The following DZIP3 variants were observed in gnomAD, a reference collection of about 807,000 sequenced individuals.
DZIP3 encodes the protein DAZ interacting zinc finger protein 3.
In DZIP3, 118 loss-of-function variants were observed where a neutral mutation model predicts 162.0. The observed-to-expected ratio is 0.73, with a 90% CI of 0.63 to 0.85. DZIP3 has a LOEUF of 0.85. Ranked by LOEUF, DZIP3 falls within the 40% of genes least tolerant of loss-of-function variation. The pLI is 0.00. For synonymous variants in DZIP3, 438 were observed against 458.6 expected, an observed-to-expected ratio of 0.96 and a Z score of 0.57; for missense variants, 1,331 against 1,407.0, an observed-to-expected ratio of 0.95 and a Z score of 0.86.
intron 24 of DZIP3, among the ~76,000 whole-genome samples, chr3:108,674,783 G>A (rs926284591): frequency 1.4e-4 from 21 of 151,908 alleles, no homozygotes; most frequent in African/African-American, 5.1e-4. Context: ...ATAATCTCAT[G>A]GGGTACACCA....
intron 4 of DZIP3, 52 bp from the exon 5 acceptor site, chr3:108,616,489 G>T: frequency 8.6e-7 from 1 of 1,162,776 alleles, no homozygotes; most frequent in Non-Finnish European, 1.3e-6. Flanking sequence ...GTAAACATAT[G>T]TAGATGTTTG....
In DZIP3 at chr3:108,686,478, G is replaced by C; in HGVS notation, c.3043G>C (p.Val1015Leu). Residue 1015 changes from valine to leucine, a missense_variant, in exon 28 of 33, where the codon GTG becomes CTG. By Grantham distance (32) the Val-to-Leu change is conservative. Around this residue, in one of 2 missense-constraint regions of DZIP3, gnomAD observed 1,278 missense variants for 1,317.1 expected, o/e 0.97. Coordinates refer to ENST00000361582, the MANE Select transcript of DZIP3 (RefSeq NM_014648.4). The part of the protein sequence containing the change: ...TGIAWALPAP[V>L]GDAVPPSAGL... ...CATAGCCTGGGCTCTGCCAGCGCCT[G>C]TGGGAGACGCTGTGCCTCCCAGTGC... 6.2e-7 allele frequency: 1 copy of C among 1,610,856 alleles called. No homozygotes were observed. The highest frequency in any genetic ancestry group is 8.5e-7 in the Non-Finnish European group (1 of 1,178,998).
rs147732119 is a variant in DZIP3, at chr3:108,603,097, T to A, written c.-72-2238T>A. On this transcript the variant is annotated intron_variant, in intron 1 of 32. Coordinates refer to ENST00000361582, the MANE Select transcript of DZIP3 (RefSeq NM_014648.4). ...AGAGGATTTTCCTCCCTTCTTTTCA[T>A]CCTTGCTGTGATCTATGCAAACAGC... The A allele has an allele frequency of 1.8e-4, 27 of 152,324 alleles. No homozygotes were observed. The East Asian group carries it at 3.7e-3, about 21-fold the overall frequency. 9.4% of individuals were successfully genotyped at this position (152,324 alleles called of 1,614,324 possible). A position where few individuals can be genotyped will look rare whatever the true frequency, so the allele number is the denominator to read the frequency against.
chr3:108,662,035 G>A (rs1943462201), intron 20 of DZIP3, 63 bp downstream of exon 20: 5 of 1,579,230 alleles, frequency 3.2e-6, no homozygotes, highest in Non-Finnish European at 4.3e-6. Context: ...AAACTTACTG[G>A]TGCTTTCTGT....
intron 1 of DZIP3, chr3:108,602,709 C>T (rs188473604): frequency 7.9e-5 from 12 of 152,242 alleles, no homozygotes; most frequent in Admixed American, 5.9e-4. Flanking sequence ...ATTTTAGCAG[C>T]TCAGTGGTGA....
intron 15 of DZIP3, 78 bp from the exon 16 acceptor site, chr3:108,647,865 T>G (rs1419552527): frequency 4.1e-6 from 5 of 1,214,650 alleles, no homozygotes; most frequent in African/African-American, 1.6e-5. Flanking sequence ...GTTGCTTTTT[T>G]GGGCAAACAT....
chr3:108,682,299 G>C (rs11917806), intron 26 of DZIP3, among the ~76,000 whole-genome samples: 107,819 of 150,406 alleles, frequency 0.72, 39,699 homozygotes, highest in Middle Eastern at 0.79. Context: ...ATGAAGTCAA[G>C]TATCCTGAAG....
At position 108,629,109 on chromosome 3, in the gene DZIP3, G is replaced by T. The variant is rs138328967; in HGVS notation, c.629G>T (p.Gly210Val). The T allele has an allele frequency of 6.2e-7, 1 of 1,603,520 alleles. No individual in the cohort carries two copies. The highest frequency in any genetic ancestry group is 8.5e-7 in the Non-Finnish European group (1 of 1,176,612). Residue 210 changes from glycine to valine, a missense_variant, in exon 8 of 33, where the codon GGA becomes GTA. Physicochemically the swap from Gly to Val is moderately radical, Grantham distance 109 (BLOSUM62 -3). Around this residue, in one of 2 missense-constraint regions of DZIP3, gnomAD observed 1,278 missense variants for 1,317.1 expected, o/e 0.97. Transcript: ENST00000361582. ...TTTCATAAAAGCTTACAAGAAATTG[G>T]AGACAAAAATGACCATTGGTTTGAC... Reference protein sequence around the residue: ...LEFHKSLQEIGDKNDHWFDID... With the variant: ...LEFHKSLQEIVDKNDHWFDID...
intron 26 of DZIP3, among the ~76,000 whole-genome samples, chr3:108,682,879 G>A (rs1944371215): frequency 6.6e-6 from 1 of 150,680 alleles, no homozygotes; most frequent in Admixed American, 6.6e-5. Flanking sequence ...CCATAAAAAT[G>A]TACAATTATG....
In DZIP3 at chr3:108,651,157, C is replaced by T. The variant is rs1456483121; in HGVS notation, c.2028C>T (p.Asp676=). The T allele has an allele frequency of 9.3e-6, 7 of 749,620 alleles. No individual in the cohort carries two copies. The highest frequency in any genetic ancestry group is 3.8e-5 in the African/African-American group (2 of 51,962). The allele number at this position is 749,620 out of a possible 1,614,324, so 46.4% of individuals were successfully genotyped here. ...TTCAGAATAAAGACTCAAAAGAAGA[C>T]CAAGTGTAAGTATTAGTTTATTTAA... ...KNKKNKDSKE[D]QVPYVVEKEE... Residue 676 remains aspartate (D), a synonymous_variant, in exon 18 of 33, where the codon GAC becomes GAT. Coordinates refer to ENST00000361582, the MANE Select transcript of DZIP3 (RefSeq NM_014648.4).
chr3:108,687,302 A>T (rs984268657), intron 28 of DZIP3, among the ~76,000 whole-genome samples: 3 of 152,276 alleles, frequency 2.0e-5, no homozygotes, highest in African/African-American at 7.2e-5. Context: ...TAAAAACATT[A>T]TAAATCAAAG....
chr3:108,678,016 A>T (rs1007919992), intron 26 of DZIP3, among the ~76,000 whole-genome samples: 3 of 152,000 alleles, frequency 2.0e-5, no homozygotes, highest in African/African-American at 7.2e-5. Context: ...CTGTATGTAC[A>T]GCTGCTCCCC....
Position 108,633,130 on chromosome 3 carries a change from CTA to C in DZIP3, c.816+63_816+64del, listed in dbSNP as rs34807930. On this transcript the variant is annotated intron_variant, in intron 9 of 32. Coordinates refer to ENST00000361582, the MANE Select transcript of DZIP3 (RefSeq NM_014648.4). The stretch of plus-strand genomic sequence containing the variant: ...AAAGTAATTGAAAAATTATATATAA[CTA>C]TATAAAATAATAAAAATTATATTAT... 12,494 of 822,194 alleles carry C rather than the reference CTA, an allele frequency of 0.015. 1,022 individuals are homozygous for C. In the East Asian group the frequency reaches 0.27, roughly 18 times the overall value. 50.9% of individuals were successfully genotyped at this position (822,194 alleles called of 1,614,324 possible).
rs377016846 is a variant in DZIP3, at chr3:108,657,091, C to T, written c.2199+2781C>T. 3.9e-5 allele frequency among the ~76,000 whole-genome samples: 6 copies of T among 152,194 alleles called. No homozygotes were observed. The East Asian group carries it at 7.7e-4, about 20-fold the overall frequency. ...TATTATCCAGGAGAACTTCCCCAAT[C>T]TAGCAAGGCAGGCTAGATTGTATTC... On this transcript the variant is annotated intron_variant, in intron 19 of 32. Coordinates refer to ENST00000361582, the MANE Select transcript of DZIP3 (RefSeq NM_014648.4).
chr3:108,681,506 G>C (rs892800761), intron 26 of DZIP3, among the ~76,000 whole-genome samples: 9 of 151,990 alleles, frequency 5.9e-5, no homozygotes, highest in Admixed American at 5.9e-4. Context: ...TTCAACCATT[G>C]TGGAAGACAG....
chr3:108,653,728 A>G (rs1942977758), intron 18 of DZIP3, among the ~76,000 whole-genome samples: 1 of 151,806 alleles, frequency 6.6e-6, no homozygotes, highest in Admixed American at 6.6e-5. Context: ...AGTTGCTTAA[A>G]CCAACCTACT....
chr3:108,664,293 C>T (rs1037962924), intron 21 of DZIP3, among the ~76,000 whole-genome samples: 1 of 152,136 alleles, frequency 6.6e-6, no homozygotes, highest in African/African-American at 2.4e-5. Context: ...CAATACCCAC[C>T]GTACTGCAGC....
At chr3:108,626,782 G>A (rs767141090) in intron 7 of DZIP3, among the ~76,000 whole-genome samples, 4 of 152,190 alleles carry the variant, frequency 2.6e-5, no homozygotes, top group Non-Finnish European at 5.9e-5. Flanking sequence ...GAGTTATGAA[G>A]GAAACTAGAG....
At chr3:108,591,318 C>T (rs2107402178) in intron 1 of DZIP3, among the ~76,000 whole-genome samples, 1 of 152,322 alleles carries the variant, frequency 6.6e-6, no homozygotes, top group South Asian at 2.1e-4. Flanking sequence ...TGTCAGCTGT[C>T]ATCTGGCATA....
Sources: gnomAD v4.1 joint callset for allele counts (sites outside exome capture counted in the v4.1 genomes callset) on GRCh38, gnomAD v4.1.1 for gene constraint, gnomAD v4.1.1 regional missense constraint, MANE v1.5 for transcripts, NCBI Gene and HGNC (gene_info 2026-07-23, HGNC 2026-07-21) for gene names.